Variants in CSMD1 observed in about 807,000 individuals in gnomAD.
CSMD1 encodes CUB and sushi domain-containing protein 1.
CSMD1 carries 213 observed loss-of-function variants against 417.5 expected under a neutral mutation model. That is an observed-to-expected ratio of 0.51 (90% CI 0.46 to 0.57). The LOEUF (loss-of-function observed/expected upper bound fraction) is 0.57, where lower values mean the gene tolerates loss of function less well. Among genes scored for constraint, CSMD1 ranks in the 20% least tolerant of loss-of-function variants. CSMD1 has a pLI of 0.00. For missense variants in CSMD1, 6,923 were observed against 4,529.7 expected, an observed-to-expected ratio of 1.53 and a Z score of -15.17; for synonymous variants, 2,862 against 1,736.8, an observed-to-expected ratio of 1.65 and a Z score of -16.11.
chr8:4,828,639 G>A (rs530609893), intron 1 of CSMD1, among the ~76,000 whole-genome samples: 6 of 152,008 alleles, frequency 3.9e-5, no homozygotes, highest in Non-Finnish European at 5.9e-5. Context: ...AACTGAGAAC[G>A]TTACTCGGCA....
intron 54 of CSMD1, among the ~76,000 whole-genome samples, chr8:2,986,009 G>C (rs920314938): frequency 4.5e-4 from 64 of 142,466 alleles, no homozygotes; most frequent in African/African-American, 1.8e-3. Flanking sequence ...CGGAAGGGGA[G>C]AGAGGGAGGG....
At chr8:3,887,620 A>G (rs1182207610) in intron 5 of CSMD1, among the ~76,000 whole-genome samples, 1 of 152,224 alleles carries the variant, frequency 6.6e-6, no homozygotes, top group Non-Finnish European at 1.5e-5. Flanking sequence ...TAATTCTAAT[A>G]TAAATAGAGA....
chr8:3,636,467 C>G (rs1308651941), intron 7 of CSMD1, among the ~76,000 whole-genome samples: 1 of 152,196 alleles, frequency 6.6e-6, no homozygotes, highest in African/African-American at 2.4e-5. Flanking sequence ...TGTGAGCCAC[C>G]TCTCCTGTCC....
At chr8:3,870,159 G>T (rs1395613070) in intron 5 of CSMD1, among the ~76,000 whole-genome samples, 5 of 152,102 alleles carry the variant, frequency 3.3e-5, no homozygotes, top group African/African-American at 1.2e-4. Flanking sequence ...TTTACAATTT[G>T]AATCTTGGTT....
At chr8:4,136,814 G>A (rs1223729865) in intron 3 of CSMD1, among the ~76,000 whole-genome samples, 1 of 152,132 alleles carries the variant, frequency 6.6e-6, no homozygotes, top group African/African-American at 2.4e-5. Flanking sequence ...ATTGTGAAGG[G>A]ATCCTGACAT....
intron 1 of CSMD1, among the ~76,000 whole-genome samples, chr8:4,702,451 ACATTCTAAATAGTCCC>A (rs1248744271): frequency 6.6e-6 from 1 of 152,170 alleles, no homozygotes; most frequent in Non-Finnish European, 1.5e-5. Flanking sequence ...TCACTCTGGA[ACATTCTAAATAGTCCC>A]CTTCAGTCAA....
intron 3 of CSMD1, among the ~76,000 whole-genome samples, chr8:4,390,540 G>A (rs7831514): frequency 0.091 from 2,005 of 22,000 alleles, 52 homozygotes; most frequent in African/African-American, 0.32. Flanking sequence ...TTGAGATGGA[G>A]TCTTGCTCTG....
chr8:3,037,448 T>A (rs1810766529), intron 50 of CSMD1, among the ~76,000 whole-genome samples: 1 of 152,084 alleles, frequency 6.6e-6, no homozygotes, highest in Admixed American at 6.5e-5. Flanking sequence ...GACCTCGTGA[T>A]CCGCCCGCCT....
intron 3 of CSMD1, among the ~76,000 whole-genome samples, chr8:4,325,201 CAG>C (rs1312231635): frequency 1.4e-4 from 21 of 152,280 alleles, no homozygotes; most frequent in African/African-American, 5.1e-4. Flanking sequence ...GTCATGAAAA[CAG>C]ATGATACATT....
intron 2 of CSMD1, among the ~76,000 whole-genome samples, chr8:4,456,872 T>A (rs982830415): frequency 6.6e-6 from 1 of 151,620 alleles, no homozygotes; most frequent in African/African-American, 2.4e-5. Context: ...GGGCACTGGC[T>A]TCAAAGGGAG....
At chr8:4,371,507 G>C (rs986579784) in intron 3 of CSMD1, among the ~76,000 whole-genome samples, 3 of 152,052 alleles carry the variant, frequency 2.0e-5, no homozygotes, top group Non-Finnish European at 2.9e-5. Context: ...ATTAGATATG[G>C]GATATTCCCT....
chr8:4,140,308 C>G (rs924164729), intron 3 of CSMD1, among the ~76,000 whole-genome samples: 18 of 150,964 alleles, frequency 1.2e-4, no homozygotes, highest in Non-Finnish European at 2.1e-4. Flanking sequence ...ACCAGCCTGA[C>G]AAACATGGTG....
At chr8:4,124,740 C>G (rs1392109905) in intron 3 of CSMD1, among the ~76,000 whole-genome samples, 1 of 152,174 alleles carries the variant, frequency 6.6e-6, no homozygotes, top group Non-Finnish European at 1.5e-5. Context: ...TGAGTCACAG[C>G]TGCAAACTAA....
At chr8:3,984,960 G>C (rs1814208188) in intron 5 of CSMD1, among the ~76,000 whole-genome samples, 1 of 151,914 alleles carries the variant, frequency 6.6e-6, no homozygotes, top group Non-Finnish European at 1.5e-5. Flanking sequence ...TTAGAATTTG[G>C]TGAAGACTTG....
intron 1 of CSMD1, among the ~76,000 whole-genome samples, chr8:4,848,698 C>G (rs530627959): frequency 1.4e-3 from 206 of 152,218 alleles, no homozygotes; most frequent in African/African-American, 4.7e-3. Flanking sequence ...CACCACCACA[C>G]CCAGCTAATT....
intron 1 of CSMD1, among the ~76,000 whole-genome samples, chr8:4,809,407 G>C (rs1160290973): frequency 1.3e-5 from 2 of 152,162 alleles, no homozygotes; most frequent in Non-Finnish European, 1.5e-5. Context: ...GCAGTAAGGA[G>C]TATAAGTTAA....
At chr8:3,671,528 CAT>C (rs1278729666) in intron 7 of CSMD1, among the ~76,000 whole-genome samples, 532 of 50,176 alleles carry the variant, frequency 0.011, 82 homozygotes, top group South Asian at 0.042. Flanking sequence ...TATATATGAT[CAT>C]ATATATATAT....
chr8:4,687,760 C>A lies in CSMD1; in HGVS notation c.86-50202G>T, dbSNP rs985910555. Among the ~76,000 whole-genome samples the A allele has an allele frequency of 8.6e-5, 13 of 152,008 alleles. No individual in the cohort carries two copies. In the East Asian group the frequency reaches 2.3e-3, roughly 27 times the overall value. ...TTCTTCTTCTATTTCTGGTTCCCTC[C>A]TTTTGTCACCCTCCTTCACTAATGA... is the stretch of plus-strand genomic sequence containing the variant. On this transcript the variant is annotated intron_variant, in intron 1 of 69. Coordinates refer to ENST00000635120, the MANE Select transcript of CSMD1 (RefSeq NM_033225.6).
intron 54 of CSMD1, among the ~76,000 whole-genome samples, chr8:2,993,458 G>A (rs1311025509): frequency 6.6e-6 from 1 of 152,178 alleles, no homozygotes; most frequent in African/African-American, 2.4e-5. Context: ...GAGTGTCAGG[G>A]CACTGAGGCA....
Sources: allele counts gnomAD v4.1 joint callset (sites outside exome capture counted in the v4.1 genomes callset), GRCh38; gene constraint gnomAD v4.1.1; transcripts MANE v1.5; gene names NCBI Gene and HGNC (gene_info 2026-07-23, HGNC 2026-07-21).